MRPS5: variants seen among roughly 807,000 people sequenced by gnomAD.
MRPS5 encodes small ribosomal subunit protein uS5m.
In MRPS5, 27 loss-of-function variants were observed where a neutral mutation model predicts 51.9. That is an observed-to-expected ratio of 0.52 (90% CI 0.38 to 0.72). The LOEUF (loss-of-function observed/expected upper bound fraction) is 0.72. Ranked by LOEUF, MRPS5 falls within the 30% of genes least tolerant of loss-of-function variation. The pLI is 0.00. For synonymous variants in MRPS5, 196 were observed against 193.2 expected (o/e 1.01, Z -0.12); for missense variants, 570 against 545.7 (o/e 1.04, Z -0.44).
At chr2:95,111,897 GTTCTT>G (rs1676131944) in intron 3 of MRPS5, among the ~76,000 whole-genome samples, 1 of 152,008 alleles carries the variant, frequency 6.6e-6, no homozygotes, top group Non-Finnish European at 1.5e-5. Context: ...GGTGAATTAA[GTTCTT>G]TTAACAGAGA....
intron 11 of MRPS5, among the ~76,000 whole-genome samples, chr2:95,089,506 A>AT (rs1228121575): frequency 3.9e-5 from 6 of 152,180 alleles, no homozygotes; most frequent in African/African-American, 1.4e-4. Context: ...CTGCCCAAGA[A>AT]TGGGGGCCCG....
In MRPS5 at chr2:95,108,371, A is replaced by T; in HGVS notation, c.441T>A (p.Pro147=). The T allele has an allele frequency of 6.2e-7, 1 of 1,614,156 alleles. No individual in the cohort carries two copies. The highest frequency in any genetic ancestry group is 8.5e-7 in the Non-Finnish European group (1 of 1,180,028). Residue 147 remains proline, a synonymous_variant, in exon 5 of 12, where the codon CCT becomes CCA. Transcript: ENST00000272418. ...YGFLWPGLNV[P]LMKNGAVQTI... The stretch of plus-strand genomic sequence containing the variant: ...TCTGCACTGCTCCATTTTTCATAAG[A>T]GGGACATTCAGTCCGGGCCATAGAA...
intron 5 of MRPS5, among the ~76,000 whole-genome samples, chr2:95,107,184 C>T (rs1371726665): frequency 6.6e-6 from 1 of 152,220 alleles, no homozygotes; most frequent in Non-Finnish European, 1.5e-5. Context: ...AATCTTTCCT[C>T]TAAACTCTGC....
rs762175066 is a variant in MRPS5, at chr2:95,087,370, C to G, written c.1280G>C (p.Arg427Thr). Residue 427 changes from arginine to threonine, a missense_variant, in exon 12 of 12, where the codon AGA becomes ACA. Transcript: ENST00000272418. ...AGGCCAGAGAGGTTACGTGGCGGCT[C>G]TCTTCAAATTAGACCACACAGAGCG... is the stretch of plus-strand genomic sequence containing the variant. ...MKRSVWSNLK[R>T]AAT The G allele has an allele frequency of 3.7e-6, 6 of 1,614,014 alleles. No homozygotes were observed. Among genetic ancestry groups the G allele is most frequent in the Admixed American group, 1.7e-5 (1 of 59,996 alleles).
At chr2:95,096,355 T>C (rs1210725946) in intron 10 of MRPS5, among the ~76,000 whole-genome samples, 6 of 152,212 alleles carry the variant, frequency 3.9e-5, no homozygotes, top group Admixed American at 3.9e-4. Context: ...ATCATCCTGA[T>C]ACTAAAGCCT....
chr2:95,093,354 T>C (rs1334706448), intron 10 of MRPS5: 1 of 152,228 alleles, frequency 6.6e-6, no homozygotes, highest in African/African-American at 2.4e-5. Context: ...AAGAGAGCAG[T>C]GGTTCTCCCA....
chr2:95,121,787 G>T lies in MRPS5; in HGVS notation c.5C>A (p.Ala2Glu), dbSNP rs1676464420. M[A>E]TAVRAVGCLP... ...GCAGCCCACAGCGCGCACCGCGGTC[G>T]CCATGCTGGAGTCCGAGCCGCGCCT... Residue 2 changes from alanine (A) to glutamate (E), a missense_variant, in exon 1 of 12, where the codon GCG becomes GAG. Ala to Glu is a moderately radical substitution (Grantham distance 107, BLOSUM62 -1). Transcript: ENST00000272418. The T allele has an allele frequency of 1.9e-6, 3 of 1,548,554 alleles. No homozygotes were observed. Among genetic ancestry groups the T allele is most frequent in the Admixed American group, 1.9e-5 (1 of 53,538 alleles).
chr2:95,113,243 G>A (rs1409706133), intron 3 of MRPS5, among the ~76,000 whole-genome samples: 8 of 151,996 alleles, frequency 5.3e-5, no homozygotes, highest in African/African-American at 1.2e-4. Flanking sequence ...TTGGGAGGCC[G>A]AGGCGGGTGG....
intron 10 of MRPS5, among the ~76,000 whole-genome samples, chr2:95,096,276 T>C (rs1317940558): frequency 6.6e-6 from 1 of 152,180 alleles, no homozygotes; most frequent in Non-Finnish European, 1.5e-5. Context: ...GCTGGTACCA[T>C]TCCTTCTGAA....
Position 95,087,286 on chromosome 2 carries a change from C to A in MRPS5, c.*71G>T. The A allele has an allele frequency of 2.5e-6, 3 of 1,216,788 alleles. No homozygotes were observed. The highest frequency in any genetic ancestry group is 3.5e-6 in the Non-Finnish European group (3 of 846,152). 75.4% of individuals were successfully genotyped at this position (1,216,788 alleles called of 1,614,324 possible). ...ACAAACAAAAGGCAAGGTAACATCCCAAGCTGTGAGGGGCTGAGTCTCTCC... is the reference window on the plus strand; with the variant it reads ...ACAAACAAAAGGCAAGGTAACATCCAAAGCTGTGAGGGGCTGAGTCTCTCC... On this transcript the variant is annotated 3_prime_UTR_variant, in exon 12 of 12. Transcript: ENST00000272418.
intron 3 of MRPS5, among the ~76,000 whole-genome samples, chr2:95,114,437 T>C (rs1021705357): frequency 1.1e-4 from 16 of 151,750 alleles, no homozygotes; most frequent in Admixed American, 3.3e-4. Flanking sequence ...CTGGCTAATT[T>C]TGTTTTTGTA....
At chr2:95,120,083 A>G (rs2104434474) in intron 1 of MRPS5, among the ~76,000 whole-genome samples, 1 of 152,364 alleles carries the variant, frequency 6.6e-6, no homozygotes. Flanking sequence ...CACAGTTTCC[A>G]TATGACCTAG....
chr2:95,097,195 C>A lies in MRPS5; in HGVS notation c.931+3279G>T, dbSNP rs1467645237. 5.9e-5 allele frequency among the ~76,000 whole-genome samples: 9 copies of A among 152,236 alleles called. No individual in the cohort carries two copies. In the South Asian group the frequency reaches 1.0e-3, roughly 18 times the overall value. On this transcript the variant is annotated intron_variant, in intron 10 of 11. Coordinates refer to ENST00000272418, the MANE Select transcript of MRPS5 (RefSeq NM_031902.5). Reference sequence around the variant, plus strand: ...CTGCTCAATGAAATAAAAGAGGACACAAACAAATGGAAGAACATTCCATGC... The same window carrying A: ...CTGCTCAATGAAATAAAAGAGGACAAAAACAAATGGAAGAACATTCCATGC...
chr2:95,088,460 C>A lies in MRPS5; in HGVS notation c.1069-879G>T, dbSNP rs556303030. Among the ~76,000 whole-genome samples, 452 of 152,278 alleles carry A rather than the reference C, an allele frequency of 3.0e-3. 2 individuals carry two copies. Among genetic ancestry groups the A allele is most frequent in the Non-Finnish European group, 2.7e-3 (187 of 68,026 alleles). On this transcript the variant is annotated intron_variant, in intron 11 of 11. Coordinates refer to ENST00000272418, the MANE Select transcript of MRPS5 (RefSeq NM_031902.5). Reference sequence around the variant, plus strand: ...AGTTCAGTAGACGTTATTCATGGTACAATGACATACCTGCTATGTCAATCC... The same window carrying A: ...AGTTCAGTAGACGTTATTCATGGTAAAATGACATACCTGCTATGTCAATCC...
chr2:95,090,565 C>CTGTGT (rs1254340639), intron 10 of MRPS5, 43 bp from the exon 11 acceptor site: 1 of 1,611,154 alleles, frequency 6.2e-7, no homozygotes, highest in African/African-American at 1.3e-5. Flanking sequence ...CACTCGCCTG[C>CTGTGT]AGCCGGAGGA....
At chr2:95,094,318 T>A (rs910387352) in intron 10 of MRPS5, among the ~76,000 whole-genome samples, 2 of 152,134 alleles carry the variant, frequency 1.3e-5, no homozygotes. Context: ...CTTCAGGATA[T>A]CATCCAAGAG....
intron 1 of MRPS5, among the ~76,000 whole-genome samples, chr2:95,120,084 T>C (rs923971835): frequency 5.9e-5 from 9 of 152,186 alleles, no homozygotes; most frequent in African/African-American, 2.2e-4. Flanking sequence ...ACAGTTTCCA[T>C]ATGACCTAGC....
chr2:95,089,959 C>T (rs565709329), intron 11 of MRPS5, among the ~76,000 whole-genome samples: 83 of 151,894 alleles, frequency 5.5e-4, no homozygotes, highest in African/African-American at 2.0e-3. Context: ...GGGCGGATCA[C>T]GAGGTCAGGA....
At chr2:95,095,577 A>G (rs2104399845) in intron 10 of MRPS5, among the ~76,000 whole-genome samples, 1 of 152,350 alleles carries the variant, frequency 6.6e-6, no homozygotes, top group East Asian at 1.9e-4. Flanking sequence ...AACTACATGG[A>G]AACTGAACAA....
Sources: gnomAD v4.1 joint callset for allele counts (sites outside exome capture counted in the v4.1 genomes callset) on GRCh38, gnomAD v4.1.1 for gene constraint, MANE v1.5 for transcripts, NCBI Gene and HGNC (gene_info 2026-07-23, HGNC 2026-07-21) for gene names.